The following STMN4 variants were observed in gnomAD, a reference collection of about 807,000 sequenced individuals.
STMN4 encodes the protein stathmin-4.
A neutral mutation model predicts 29.1 loss-of-function variants in STMN4; 12 were observed. The ratio of observed to expected loss-of-function variants is 0.41; its 90% CI spans 0.26 to 0.67. The LOEUF is 0.67. STMN4 is among the 30% of genes least tolerant of loss of function. The pLI is 0.30. For missense variants in STMN4, 181 were observed against 262.8 expected (o/e 0.69, Z 2.15); for synonymous variants, 114 against 105.3 (o/e 1.08, Z -0.51).
At chr8:27,243,563 G>GC (rs1801537718) in intron 2 of STMN4, 148 bp downstream of exon 2, 1 of 791,840 alleles carries the variant, frequency 1.3e-6, no homozygotes, top group Non-Finnish European at 2.2e-6. Context: ...CTGCCTGCAT[G>GC]CCCCCAAGCC....
At chr8:27,241,405 G>A (rs963868410) in intron 4 of STMN4, 143 bp from the exon 5 acceptor site, 2 of 957,028 alleles carry the variant, frequency 2.1e-6, no homozygotes, top group Non-Finnish European at 3.1e-6. Context: ...CTACACCCTA[G>A]TACCTAAGGG....
At chr8:27,239,431 A>G in intron 6 of STMN4, 2 of 822,446 alleles carry the variant, frequency 2.4e-6, no homozygotes, top group Non-Finnish European at 3.7e-6. Context: ...CATGTTTCTC[A>G]TATTTAGGTG....
chr8:27,257,459 A>ACACACAC (rs1801974736), intron 1 of STMN4, among the ~76,000 whole-genome samples: 2 of 137,722 alleles, frequency 1.5e-5, no homozygotes, highest in Non-Finnish European at 1.6e-5. Flanking sequence ...CCCCCATACA[A>ACACACAC]ACACACACAC....
intron 1 of STMN4, among the ~76,000 whole-genome samples, chr8:27,248,486 A>G (rs1801692190): frequency 6.6e-6 from 1 of 152,264 alleles, no homozygotes; most frequent in African/African-American, 2.4e-5. Context: ...GGAACTGGAA[A>G]ATTGCAGAGA....
At chr8:27,253,875 C>G (rs1477975312) in intron 1 of STMN4, among the ~76,000 whole-genome samples, 2 of 151,976 alleles carry the variant, frequency 1.3e-5, no homozygotes, top group Non-Finnish European at 2.9e-5. Context: ...CTCCGCCTCC[C>G]GGGTTCAAGC....
At chr8:27,242,648 G>A (rs781493333) in intron 2 of STMN4, among the ~76,000 whole-genome samples, 156 bp from the exon 3 acceptor site, 1 of 152,158 alleles carries the variant, frequency 6.6e-6, no homozygotes, top group African/African-American at 2.4e-5. Context: ...CTTTCGCCCT[G>A]AGCCGTGCTG....
chr8:27,242,082 C>G (rs1801491006), intron 3 of STMN4: 1 of 559,850 alleles, frequency 1.8e-6, no homozygotes, highest in Non-Finnish European at 3.2e-6. Context: ...TAGATGTTCC[C>G]CACAGGTAGA....
chr8:27,239,684 C>A, intron 6 of STMN4: 1 of 1,436,656 alleles, frequency 7.0e-7, no homozygotes, highest in South Asian at 1.5e-5. Context: ...ATTAGACAGG[C>A]TTCTTCTAGA....
At chr8:27,244,538 A>G (rs978513032) in intron 1 of STMN4, among the ~76,000 whole-genome samples, 1 of 151,936 alleles carries the variant, frequency 6.6e-6, no homozygotes, top group Non-Finnish European at 1.5e-5. Flanking sequence ...AGGGCTCCAC[A>G]CCCCCAGCAT....
rs1563415833 is a variant in STMN4, at chr8:27,243,740, G to A, written c.-17C>T. On this transcript the variant is annotated 5_prime_UTR_variant, in exon 2 of 7. Transcript: ENST00000350889. ...AAGGGTCATGTTTCTGGGATCTGGTGGCTGAATCTAGCTGAAAGTTACAGA... is the reference window on the plus strand; with the variant it reads ...AAGGGTCATGTTTCTGGGATCTGGTAGCTGAATCTAGCTGAAAGTTACAGA... The A allele has an allele frequency of 6.2e-7, 1 of 1,614,222 alleles. No individual in the cohort carries two copies. Among genetic ancestry groups the A allele is most frequent in the Non-Finnish European group, 8.5e-7 (1 of 1,180,038 alleles).
intron 1 of STMN4, among the ~76,000 whole-genome samples, chr8:27,249,630 A>T (rs1374892771): frequency 6.6e-6 from 1 of 152,224 alleles, no homozygotes; most frequent in African/African-American, 2.4e-5. Flanking sequence ...GAGAGGGGAC[A>T]GCCCACATGG....
In STMN4 at chr8:27,246,720, G is replaced by A. The variant is rs1042542240; in HGVS notation, c.-78-2919C>T. ...TGGGAGTAAGGCAGCCACAAGCCAA[G>A]GAACCTTTGGGGCCGCCAGAACCTG... On this transcript the variant is annotated intron_variant, in intron 1 of 6. Coordinates refer to ENST00000350889, the MANE Select transcript of STMN4 (RefSeq NM_030795.4). Among the ~76,000 whole-genome samples the A allele has an allele frequency of 1.8e-4, 28 of 152,178 alleles. 2 individuals are homozygous for A. Among genetic ancestry groups the A allele is most frequent in the Non-Finnish European group, 1.5e-4 (10 of 68,032 alleles).
At chr8:27,255,309 A>C (rs1283047783) in intron 1 of STMN4, among the ~76,000 whole-genome samples, 4 of 152,190 alleles carry the variant, frequency 2.6e-5, no homozygotes, top group East Asian at 1.9e-4. Flanking sequence ...CAAAATTTCT[A>C]TCTCTCCTCC....
intron 1 of STMN4, among the ~76,000 whole-genome samples, chr8:27,252,030 A>G (rs1801804000): frequency 6.6e-6 from 1 of 151,486 alleles, no homozygotes; most frequent in African/African-American, 2.4e-5. Flanking sequence ...CTCGTTGTTC[A>G]ATTCCCACCT....
intron 6 of STMN4, 91 bp from the exon 7 acceptor site, chr8:27,236,996 A>T (rs1376773443): frequency 1.3e-5 from 18 of 1,372,750 alleles, no homozygotes; most frequent in Non-Finnish European, 1.6e-5. Flanking sequence ...AAAAGCAAAG[A>T]GTGGCCACCA....
chr8:27,239,157 A>G (rs1051128765), intron 6 of STMN4: 6 of 1,501,176 alleles, frequency 4.0e-6, no homozygotes, highest in Admixed American at 4.3e-5. Context: ...AGATCCTTCT[A>G]GGACCTGTTG....
At chr8:27,237,035 G>C (rs1195234294) in intron 6 of STMN4, 130 bp from the exon 7 acceptor site, 1 of 914,574 alleles carries the variant, frequency 1.1e-6, no homozygotes, top group African/African-American at 1.7e-5. Context: ...GTCTGCAAAG[G>C]CATCCCGAGA....
chr8:27,243,619 C>A (rs1339301355), intron 2 of STMN4, 92 bp downstream of exon 2: 2 of 1,390,274 alleles, frequency 1.4e-6, no homozygotes, highest in Non-Finnish European at 2.0e-6. Context: ...GTGCTTCCTG[C>A]CAGCTGTGTT....
chr8:27,241,642 C>A, intron 4 of STMN4, 35 bp downstream of exon 4: 1 of 1,612,514 alleles, frequency 6.2e-7, no homozygotes, highest in South Asian at 1.1e-5. Flanking sequence ...ATCTGACGCT[C>A]GGCCTGCGGA....
Sources: gnomAD v4.1 joint callset for allele counts (sites outside exome capture counted in the v4.1 genomes callset) on GRCh38, gnomAD v4.1.1 for gene constraint, MANE v1.5 for transcripts, NCBI Gene and HGNC (gene_info 2026-07-23, HGNC 2026-07-21) for gene names.